The following ARID4B variants were observed in gnomAD, a reference collection of about 807,000 sequenced individuals.
ARID4B encodes the protein AT-rich interactive domain-containing protein 4B.
Under a neutral mutation model 147.5 loss-of-function variants are expected in ARID4B, and 26 were observed. That is an observed-to-expected ratio of 0.18 (90% CI 0.13 to 0.24). The LOEUF (loss-of-function observed/expected upper bound fraction) is 0.24. Among genes scored for constraint, ARID4B ranks in the 10% least tolerant of loss-of-function variants. The pLI is 1.00. For missense variants in ARID4B, 1,179 were observed against 1,511.5 expected (o/e 0.78, Z 3.65); for synonymous variants, 512 against 507.9 (o/e 1.01, Z -0.11).
intron 2 of ARID4B, among the ~76,000 whole-genome samples, chr1:235,300,502 TC>T (rs1184065679): frequency 6.6e-6 from 1 of 152,114 alleles, no homozygotes; most frequent in Non-Finnish European, 1.5e-5. Context: ...GTCCCCATTT[TC>T]CCTATCTGTA....
At position 235,260,627 on chromosome 1, in the gene ARID4B, C is replaced by G; in HGVS notation, c.117+15G>C. Reference sequence around the variant, plus strand: ...ATGCTGAACATACAATTTATGAAATCTATAAATACTGTACCTTGACTTTGA... The same window carrying G: ...ATGCTGAACATACAATTTATGAAATGTATAAATACTGTACCTTGACTTTGA... On this transcript the variant is annotated intron_variant, in intron 3 of 23. Coordinates refer to ENST00000264183, the MANE Select transcript of ARID4B (RefSeq NM_016374.6). 6.5e-7 allele frequency: 1 copy of G among 1,535,768 alleles called. No individual in the cohort carries two copies. The highest frequency in any genetic ancestry group is 8.9e-7 in the Non-Finnish European group (1 of 1,127,962).
chr1:235,214,067 T>C (rs1489184583), intron 16 of ARID4B, 41 bp from the exon 17 acceptor site: 2 of 1,559,566 alleles, frequency 1.3e-6, no homozygotes, highest in Non-Finnish European at 8.6e-7. Context: ...TAAAAGACAC[T>C]TCATAAGTTT....
intron 17 of ARID4B, among the ~76,000 whole-genome samples, chr1:235,201,513 A>G (rs182650071): frequency 1.3e-5 from 2 of 152,000 alleles, no homozygotes; most frequent in Non-Finnish European, 2.9e-5. Context: ...TTGTAGAGAG[A>G]GGGTGTCACT....
At position 235,326,962 on chromosome 1, in the gene ARID4B, G is replaced by C. The variant is rs771808567; in HGVS notation, c.-43C>G. 2.5e-6 allele frequency: 4 copies of C among 1,610,622 alleles called. 1 individual carries two copies. In the South Asian group the frequency reaches 4.4e-5, roughly 18 times the overall value. On this transcript the variant is annotated 5_prime_UTR_variant, in exon 2 of 24. Coordinates refer to ENST00000264183, the MANE Select transcript of ARID4B (RefSeq NM_016374.6). ...GGTATCCTCTAAAACACCAGGTTCA[G>C]CTGCACCTGGAGGGGAAACAAAAGA...
At chr1:235,301,985 G>A (rs34636135) in intron 2 of ARID4B, among the ~76,000 whole-genome samples, 42,997 of 150,110 alleles carry the variant, frequency 0.29, 7,357 homozygotes, top group South Asian at 0.53. Flanking sequence ...GGGCCACCGC[G>A]CCCAGCCAAC....
intron 23 of ARID4B, 70 bp downstream of exon 23, chr1:235,172,548 A>G: frequency 8.6e-7 from 1 of 1,166,468 alleles, no homozygotes; most frequent in Non-Finnish European, 1.1e-6. Flanking sequence ...ATTGCACTCC[A>G]GCCTGGCGAC....
chr1:235,257,121 C>T, intron 4 of ARID4B, 39 bp downstream of exon 4: 3 of 1,427,924 alleles, frequency 2.1e-6, no homozygotes, highest in Non-Finnish European at 3.0e-6. Context: ...TATTTTTTCC[C>T]AAACAACCAT....
chr1:235,181,317 T>G, intron 20 of ARID4B: 1 of 595,722 alleles, frequency 1.7e-6, no homozygotes, highest in Non-Finnish European at 2.6e-6. Flanking sequence ...CAGGTTTGGA[T>G]TTGGGCCTGG....
rs1675474594 is a variant in ARID4B at position 235,328,069 on chromosome 1, C to T, written c.-350G>A. 1 of 153,068 alleles carries T rather than the reference C, an allele frequency of 6.5e-6. No homozygotes were observed. The highest frequency in any genetic ancestry group is 1.5e-5 in the Non-Finnish European group (1 of 68,420). 9.5% of individuals were successfully genotyped at this position (153,068 alleles called of 1,614,324 possible). A position where few individuals can be genotyped will look rare whatever the true frequency, so the allele number is the denominator to read the frequency against. On this transcript the variant is annotated 5_prime_UTR_variant, in exon 1 of 24. Transcript: ENST00000264183. The stretch of plus-strand genomic sequence containing the variant: ...GCGGCGATGGACCCTCTGCAGCTCC[C>T]TCCGGGCAAAGGTCCAGGCGGTGGC...
chr1:235,260,549 T>C (rs149153463), intron 3 of ARID4B, 93 bp downstream of exon 3: 1 of 901,690 alleles, frequency 1.1e-6, no homozygotes, highest in African/African-American at 1.7e-5. Context: ...CCTAGAAACT[T>C]ATTTTGCAGA....
At chr1:235,271,228 A>G (rs12021964) in intron 2 of ARID4B, among the ~76,000 whole-genome samples, 43,706 of 151,712 alleles carry the variant, frequency 0.29, 7,496 homozygotes, top group South Asian at 0.53. Context: ...GGTGGTGAAC[A>G]CTTATGGTCC....
chr1:235,276,583 G>GC (rs1671329463), intron 2 of ARID4B, among the ~76,000 whole-genome samples: 1 of 151,810 alleles, frequency 6.6e-6, no homozygotes, highest in Non-Finnish European at 1.5e-5. Context: ...GATTGCTTGA[G>GC]CCCAGAAGTT....
At chr1:235,201,846 T>G (rs1403378467) in intron 17 of ARID4B, among the ~76,000 whole-genome samples, 1 of 151,864 alleles carries the variant, frequency 6.6e-6, no homozygotes, top group African/African-American at 2.4e-5. Context: ...ACTGCACTAC[T>G]GCACTCCAAC....
intron 19 of ARID4B, among the ~76,000 whole-genome samples, chr1:235,190,334 C>T (rs1665008305): frequency 6.6e-6 from 1 of 151,790 alleles, no homozygotes; most frequent in Non-Finnish European, 1.5e-5. Context: ...TGCAATCCCA[C>T]CTACTCGGGA....
intron 2 of ARID4B, among the ~76,000 whole-genome samples, chr1:235,301,295 T>C (rs1673121289): frequency 6.6e-6 from 1 of 151,636 alleles, no homozygotes; most frequent in Non-Finnish European, 1.5e-5. Flanking sequence ...CTGAACACTT[T>C]GGGAGGCCAA....
chr1:235,168,574 G>A lies in ARID4B; in HGVS notation c.3890C>T (p.Pro1297Leu). The change falls in exon 24 of 24, where the codon CCG (proline) becomes CTG (leucine). Residue 1297 changes from proline (P) to leucine (L), a missense_variant. Coordinates refer to ENST00000264183, the MANE Select transcript of ARID4B (RefSeq NM_016374.6). ...TAAVMLTLAEPSMSSASQNGM... is the reference protein window; with the variant it reads ...TAAVMLTLAELSMSSASQNGM... ...ATTTTGTGATGCGCTGGACATTGAC[G>A]GTTCAGCTAAAGTTAACATAACAGC... 1 of 1,614,068 alleles carries A rather than the reference G, an allele frequency of 6.2e-7. No individual in the cohort carries two copies. The highest frequency in any genetic ancestry group is 8.5e-7 in the Non-Finnish European group (1 of 1,180,002).
intron 2 of ARID4B, among the ~76,000 whole-genome samples, chr1:235,305,917 G>C (rs969542470): frequency 6.6e-6 from 1 of 152,290 alleles, no homozygotes; most frequent in East Asian, 1.9e-4. Flanking sequence ...CCATGATCAC[G>C]CTACTATATT....
Position 235,194,033 on chromosome 1 carries a change from G to A in ARID4B, c.2105C>T (p.Ser702Leu), listed in dbSNP as rs1457683410. Residue 702 changes from serine (S) to leucine (L), a missense_variant, in exon 19 of 24, where the codon TCG (serine) becomes TTG (leucine). Physicochemically the swap from Ser to Leu is moderately radical, Grantham distance 145 (BLOSUM62 -2). Coordinates refer to ENST00000264183, the MANE Select transcript of ARID4B (RefSeq NM_016374.6). ...TAHIKSIEIT[S>L]ILNGLQASES... ...TTTACCTTGAAGTCCATTAAGGATCGAAGTAATTTCTATGGACTTAATATG... is the reference window on the plus strand; with the variant it reads ...TTTACCTTGAAGTCCATTAAGGATCAAAGTAATTTCTATGGACTTAATATG... 2 of 1,606,896 alleles carry A rather than the reference G, an allele frequency of 1.2e-6. No homozygotes were observed. Among genetic ancestry groups the A allele is most frequent in the South Asian group, 1.1e-5 (1 of 90,766 alleles).
chr1:235,209,096 AC>A (rs1369329300), intron 17 of ARID4B, among the ~76,000 whole-genome samples: 1 of 152,250 alleles, frequency 6.6e-6, no homozygotes, highest in African/African-American at 2.4e-5. Context: ...ACAGTAGAAA[AC>A]AAACTTGCCC....
Sources: allele counts gnomAD v4.1 joint callset (sites outside exome capture counted in the v4.1 genomes callset), GRCh38; gene constraint gnomAD v4.1.1; transcripts MANE v1.5; gene names NCBI Gene and HGNC (gene_info 2026-07-23, HGNC 2026-07-21).